The following SLC66A2 variants were observed in gnomAD, a reference collection of about 807,000 sequenced individuals.
SLC66A2 encodes the protein PQ loop repeat containing 1.
In SLC66A2, 23 loss-of-function variants were observed where a neutral mutation model predicts 25.5. That is an observed-to-expected ratio of 0.90 (90% CI 0.65 to 1.28). The LOEUF (loss-of-function observed/expected upper bound fraction) is 1.28, where lower values mean the gene tolerates loss of function less well. Among genes scored for constraint, SLC66A2 ranks in the 50% most tolerant of loss-of-function variants. The probability of loss-of-function intolerance (pLI) is 0.00; values close to 1 mark genes in which losing one functional copy is unlikely to be tolerated. For synonymous variants in SLC66A2, 193 were observed against 166.5 expected (o/e 1.16, Z -1.23); for missense variants, 396 against 373.1 (o/e 1.06, Z -0.51).
intron 2 of SLC66A2, among the ~76,000 whole-genome samples, chr18:79,949,287 A>G (rs926480292): frequency 1.3e-5 from 2 of 152,168 alleles, no homozygotes. Flanking sequence ...AACACGGGAC[A>G]CCTCAGCATC....
chr18:79,925,651 A>G (rs1985864614), intron 4 of SLC66A2, among the ~76,000 whole-genome samples: 1 of 152,226 alleles, frequency 6.6e-6, no homozygotes, highest in Non-Finnish European at 1.5e-5. Flanking sequence ...CTCCAGTCCA[A>G]CTGCTCCTGG....
Position 79,904,138 on chromosome 18 carries a change from C to T in SLC66A2, c.654G>A (p.Thr218=), listed in dbSNP as rs915382249. ...GGGCACCCTTCAGCAGGAAGTAGGC[C>T]GTCTTGAAGGCGTCACCACTGGTCC... The part of the protein sequence containing the change: ...LMWTSGDAFK[T]AYFLLKGAPL... Residue 218 remains threonine (T), a synonymous_variant, in exon 6 of 6, where the codon ACG becomes ACA. Transcript: ENST00000397778. This position sits in a 1 kb window ranked among gnomAD's most constrained non-coding sequence, Gnocchi z 6.3. 6 of 1,612,880 alleles carry T rather than the reference C, an allele frequency of 3.7e-6. No individual in the cohort carries two copies. The highest frequency in any genetic ancestry group is 1.7e-5 in the Admixed American group (1 of 59,960).
At chr18:79,916,617 G>A (rs62101188) in intron 5 of SLC66A2, among the ~76,000 whole-genome samples, 18,814 of 152,288 alleles carry the variant, frequency 0.12, 1,299 homozygotes, top group Middle Eastern at 0.18. Flanking sequence ...GGGAGGCTCC[G>A]GGGAGAGCTG....
intron 2 of SLC66A2, among the ~76,000 whole-genome samples, chr18:79,949,302 C>T (rs550271669): frequency 6.6e-6 from 1 of 152,208 alleles, no homozygotes; most frequent in South Asian, 2.1e-4. Context: ...AGCATCAGAA[C>T]TCATCAAATG....
rs750644097 is a variant in SLC66A2 at position 79,943,316 on chromosome 18, G to A, written c.337+13C>T. 6.8e-6 allele frequency: 11 copies of A among 1,612,742 alleles called. No individual in the cohort carries two copies. The highest frequency in any genetic ancestry group is 1.7e-5 in the Admixed American group (1 of 59,774). ...ATTCCCTGCGACTTTATTCCGAAGC[G>A]CCGGCCACCAACCTGTAAAGGAGCG... On this transcript the variant is annotated intron_variant, in intron 3 of 5. Transcript: ENST00000397778.
Position 79,940,257 on chromosome 18 carries a change from G to A in SLC66A2, c.337+3072C>T, listed in dbSNP as rs1987537729. On this transcript the variant is annotated intron_variant, in intron 3 of 5. Transcript: ENST00000397778. The surrounding 1 kb of genome is among the most constrained non-coding windows in gnomAD (Gnocchi z 4.1). ...GGGTGGAGAGCAGGAGGAGGGAGAGGACCGGGAAAAATAACCAGTGGGTAC... is the reference window on the plus strand; with the variant it reads ...GGGTGGAGAGCAGGAGGAGGGAGAGAACCGGGAAAAATAACCAGTGGGTAC... 6.6e-6 allele frequency among the ~76,000 whole-genome samples: 1 copy of A among 152,042 alleles called. No individual in the cohort carries two copies. Among genetic ancestry groups the A allele is most frequent in the Admixed American group, 6.5e-5 (1 of 15,274 alleles).
chr18:79,936,713 G>T (rs945379558), intron 3 of SLC66A2, among the ~76,000 whole-genome samples: 45 of 152,312 alleles, frequency 3.0e-4, no homozygotes, highest in African/African-American at 9.4e-4. Context: ...TATTTAAAAT[G>T]AAACAAATGA....
At chr18:79,949,092 AG>A (rs1043073311) in intron 2 of SLC66A2, among the ~76,000 whole-genome samples, 4 of 152,134 alleles carry the variant, frequency 2.6e-5, no homozygotes, top group Non-Finnish European at 5.9e-5. Context: ...TCCTCCTCCG[AG>A]GTCGTTGCAG....
Position 79,941,698 on chromosome 18 carries a change from C to G in SLC66A2, c.337+1631G>C, listed in dbSNP as rs1227538271. 6.6e-6 allele frequency: 1 copy of G among 152,240 alleles called. No individual in the cohort carries two copies. Among genetic ancestry groups the G allele is most frequent in the Non-Finnish European group, 1.5e-5 (1 of 68,076 alleles). 9.4% of individuals were successfully genotyped at this position (152,240 alleles called of 1,614,324 possible). On this transcript the variant is annotated intron_variant, in intron 3 of 5. Coordinates refer to ENST00000397778, the MANE Select transcript of SLC66A2 (RefSeq NM_025078.5). This position sits in a 1 kb window ranked among gnomAD's most constrained non-coding sequence, Gnocchi z 4.1. ...CCGCTTCTAGGGGTATCCCAGTGTTCCAACACACACTCACATTAAACCCCA... is the reference window on the plus strand; with the variant it reads ...CCGCTTCTAGGGGTATCCCAGTGTTGCAACACACACTCACATTAAACCCCA...
chr18:79,905,473 T>C (rs1379031310), intron 5 of SLC66A2, among the ~76,000 whole-genome samples: 4 of 152,232 alleles, frequency 2.6e-5, no homozygotes, highest in Non-Finnish European at 4.4e-5. Flanking sequence ...CCCTGCCTGC[T>C]TTAGGCCCAG....
chr18:79,927,198 G>A lies in SLC66A2; in HGVS notation c.391+6771C>T, dbSNP rs1160049965. Among the ~76,000 whole-genome samples the A allele has an allele frequency of 6.6e-6, 1 of 152,156 alleles. No homozygotes were observed. Among genetic ancestry groups the A allele is most frequent in the African/African-American group, 2.4e-5 (1 of 41,424 alleles). On this transcript the variant is annotated intron_variant, in intron 4 of 5. Coordinates refer to ENST00000397778, the MANE Select transcript of SLC66A2 (RefSeq NM_025078.5). The surrounding 1 kb of genome is among the most constrained non-coding windows in gnomAD (Gnocchi z 6.2). Reference sequence around the variant, plus strand: ...TCCTTGGAAACGGCCCGGCCACCTGGGAGGGAACAAACAGGCACTGCCCAG... The same window carrying A: ...TCCTTGGAAACGGCCCGGCCACCTGAGAGGGAACAAACAGGCACTGCCCAG...
At chr18:79,916,398 T>C (rs1304591312) in intron 5 of SLC66A2, among the ~76,000 whole-genome samples, 1 of 152,222 alleles carries the variant, frequency 6.6e-6, no homozygotes, top group Non-Finnish European at 1.5e-5. Flanking sequence ...CTCTCTGACC[T>C]TTTGCCCTCT....
chr18:79,943,319 G>A lies in SLC66A2; in HGVS notation c.337+10C>T, dbSNP rs367637818. The A allele has an allele frequency of 7.8e-4, 1,254 of 1,612,362 alleles. 23 individuals are homozygous for A. The South Asian group carries it at 0.012, about 16-fold the overall frequency. On this transcript the variant is annotated intron_variant, in intron 3 of 5. Transcript: ENST00000397778. ...CCCTGCGACTTTATTCCGAAGCGCC[G>A]GCCACCAACCTGTAAAGGAGCGGCG...
intron 5 of SLC66A2, among the ~76,000 whole-genome samples, chr18:79,905,113 T>A (rs1981896943): frequency 6.6e-6 from 1 of 152,136 alleles, no homozygotes; most frequent in Non-Finnish European, 1.5e-5. Context: ...CTGCACCCCC[T>A]CCTCTCTCCC....
In SLC66A2 at chr18:79,940,051, T is replaced by C. The variant is rs984955040; in HGVS notation, c.337+3278A>G. On this transcript the variant is annotated intron_variant, in intron 3 of 5. Coordinates refer to ENST00000397778, the MANE Select transcript of SLC66A2 (RefSeq NM_025078.5). The surrounding 1 kb of genome is among the most constrained non-coding windows in gnomAD (Gnocchi z 4.1). ...TACACCACGGAACACTATGCAGCCATAAAAGAGAACAAGATCGTATCCTTT... is the reference window on the plus strand; with the variant it reads ...TACACCACGGAACACTATGCAGCCACAAAAGAGAACAAGATCGTATCCTTT... Among the ~76,000 whole-genome samples the C allele has an allele frequency of 2.0e-5, 3 of 152,194 alleles. No homozygotes were observed. Among genetic ancestry groups the C allele is most frequent in the African/African-American group, 7.2e-5 (3 of 41,438 alleles).
intron 2 of SLC66A2, 114 bp downstream of exon 2, chr18:79,950,610 C>T: frequency 1.0e-6 from 1 of 973,816 alleles, no homozygotes; most frequent in Non-Finnish European, 1.6e-6. Flanking sequence ...CAGAGTGGGA[C>T]GCTGGCCCAG....
chr18:79,916,885 C>T (rs1187641165), intron 5 of SLC66A2, among the ~76,000 whole-genome samples: 1 of 152,272 alleles, frequency 6.6e-6, no homozygotes, highest in Non-Finnish European at 1.5e-5. Context: ...TAACATGGCC[C>T]AGAAGTTCCA....
intron 3 of SLC66A2, among the ~76,000 whole-genome samples, chr18:79,938,343 C>G (rs531244353): frequency 2.6e-5 from 4 of 152,084 alleles, no homozygotes; most frequent in African/African-American, 9.7e-5. Flanking sequence ...CACTCCCAAC[C>G]GCAGTCAGCC....
Position 79,904,725 on chromosome 18 carries a change from T to C in SLC66A2, c.609-542A>G, listed in dbSNP as rs1241026171. 6.6e-6 allele frequency among the ~76,000 whole-genome samples: 1 copy of C among 152,154 alleles called. No homozygotes were observed. Among genetic ancestry groups the C allele is most frequent in the Non-Finnish European group, 1.5e-5 (1 of 68,006 alleles). On this transcript the variant is annotated intron_variant, in intron 5 of 5. Coordinates refer to ENST00000397778, the MANE Select transcript of SLC66A2 (RefSeq NM_025078.5). The surrounding 1 kb of genome is among the most constrained non-coding windows in gnomAD (Gnocchi z 6.3). ...CCCTCCCTGGTGATAGATGCAAACC[T>C]TCCTTTCCTGGAGTGAACAGGGAGC...
Sources: gnomAD v4.1 joint callset for allele counts (sites outside exome capture counted in the v4.1 genomes callset) on GRCh38, gnomAD v4.1.1 for gene constraint, Gnocchi (gnomAD v3.1) non-coding constraint, MANE v1.5 for transcripts, NCBI Gene and HGNC (gene_info 2026-07-23, HGNC 2026-07-21) for gene names.